AMD1: variants seen among roughly 807,000 people sequenced by gnomAD.
AMD1 encodes the protein adenosylmethionine decarboxylase 1, also known as S-adenosylmethionine decarboxylase proenzyme.
AMD1 carries 11 observed loss-of-function variants against 40.2 expected under a neutral mutation model. The observed-to-expected ratio is 0.27, with a 90% CI of 0.17 to 0.45. AMD1 has a LOEUF of 0.45. AMD1 is among the 20% of genes least tolerant of loss of function. The pLI is 1.00. For missense variants in AMD1, 257 were observed against 410.2 expected (o/e 0.63, Z 3.23); for synonymous variants, 121 against 130.8 (o/e 0.93, Z 0.51).
Position 110,893,644 on chromosome 6 carries a change from A to AAG in AMD1, c.*32_*33dup, listed in dbSNP as rs1397007659. The AAG allele has an allele frequency of 2.5e-6, 4 of 1,606,110 alleles. No individual in the cohort carries two copies. In the Middle Eastern group the frequency reaches 5.5e-4, roughly 221 times the overall value. Reference sequence around the variant, plus strand: ...AAGAAAAATGAAGAAAAAACGCAAAAAGAGAACACATGTAGAAGGTGGTGG... The same window carrying AAG: ...AAGAAAAATGAAGAAAAAACGCAAAAAGAGAGAACACATGTAGAAGGTGGTGG... On this transcript the variant is annotated 3_prime_UTR_variant, in exon 9 of 9. Transcript: ENST00000368885.
At chr6:110,848,495 G>T in the AMD1 span, 1 of 213,902 alleles carries the variant, frequency 4.7e-6, no homozygotes, top group Non-Finnish European at 9.7e-6. Flanking sequence ...CTCCAGCTTG[G>T]GTGACAGAGT....
the AMD1 span, among the ~76,000 whole-genome samples, chr6:110,832,004 T>A: frequency 6.8e-6 from 1 of 147,614 alleles, no homozygotes; most frequent in Non-Finnish European, 1.5e-5. Flanking sequence ...CCACTATGCC[T>A]GGCTAATTTT....
the AMD1 span, among the ~76,000 whole-genome samples, chr6:110,855,065 C>CTTTTTTTTTTTTTTTTTTTTT: frequency 1.1e-4 from 9 of 80,464 alleles, 1 homozygote; most frequent in African/African-American, 1.5e-4. Flanking sequence ...CTCTCTCTCT[C>CTTTTTTTTTTTTTTTTTTTTT]TTTTTTTTTT....
At chr6:110,832,394 TCC>T in the AMD1 span, among the ~76,000 whole-genome samples, 45 of 151,144 alleles carry the variant, frequency 3.0e-4, 1 homozygote, top group Non-Finnish European at 8.8e-5. Flanking sequence ...CAAGTAATCC[TCC>T]CACCTTAGCC....
the AMD1 span, chr6:110,863,965 CT>C: frequency 0.024 from 9,173 of 377,042 alleles, no homozygotes; most frequent in South Asian, 0.037. Flanking sequence ...TACCACTAAT[CT>C]TTTTTTTTTT....
At chr6:110,893,369 TCA>T in intron 8 of AMD1, 105 bp from the exon 9 acceptor site, 2 of 1,449,134 alleles carry the variant, frequency 1.4e-6, no homozygotes, top group Non-Finnish European at 1.9e-6. Context: ...CTAAAATAAC[TCA>T]GATGTCTTAG....
intron 1 of AMD1, among the ~76,000 whole-genome samples, chr6:110,885,575 C>T (rs192615188): frequency 6.6e-4 from 101 of 152,280 alleles, no homozygotes; most frequent in African/African-American, 2.2e-3. Context: ...GGATTACAGG[C>T]GTGTGCCACC....
the AMD1 span, among the ~76,000 whole-genome samples, chr6:110,847,542 C>T: frequency 1.3e-5 from 2 of 151,354 alleles, no homozygotes; most frequent in Admixed American, 1.3e-4. Flanking sequence ...AAAAGAATTT[C>T]TTCTTTCTTA....
chr6:110,887,417 C>T (rs9487548), intron 1 of AMD1, 88 bp from the exon 2 acceptor site: 3 of 876,586 alleles, frequency 3.4e-6, no homozygotes, highest in Non-Finnish European at 5.3e-6. Context: ...AAAATGTGGT[C>T]TTCATGAGAA....
At chr6:110,852,905 A>G in the AMD1 span, among the ~76,000 whole-genome samples, 4 of 151,992 alleles carry the variant, frequency 2.6e-5, no homozygotes, top group African/African-American at 9.7e-5. Context: ...AGGAACTAAC[A>G]TGAAAACTTT....
the AMD1 span, among the ~76,000 whole-genome samples, chr6:110,820,476 A>C: frequency 6.6e-6 from 1 of 151,970 alleles, no homozygotes; most frequent in African/African-American, 2.4e-5. Context: ...CCTCCAGGTG[A>C]GCTGCCTGCC....
At chr6:110,877,771 G>A (rs1054330056) in intron 1 of AMD1, among the ~76,000 whole-genome samples, 2 of 152,166 alleles carry the variant, frequency 1.3e-5, no homozygotes, top group Non-Finnish European at 2.9e-5. Flanking sequence ...TGCAGTGGCA[G>A]GATCATGGCT....
the AMD1 span, among the ~76,000 whole-genome samples, chr6:110,820,664 G>A: frequency 3.3e-5 from 5 of 152,114 alleles, no homozygotes; most frequent in Middle Eastern, 3.2e-3. Flanking sequence ...CACTTTGGGA[G>A]GCCAAGGTGG....
intron 4 of AMD1, among the ~76,000 whole-genome samples, 180 bp downstream of exon 4, chr6:110,890,536 G>A (rs1785954958): frequency 6.6e-6 from 1 of 152,084 alleles, no homozygotes; most frequent in Non-Finnish European, 1.5e-5. Flanking sequence ...CACCCATGCT[G>A]GTGCAGTGGT....
At chr6:110,838,236 A>C in the AMD1 span, among the ~76,000 whole-genome samples, 2 of 151,378 alleles carry the variant, frequency 1.3e-5, no homozygotes, top group Non-Finnish European at 2.9e-5. Flanking sequence ...TAAAAGTACA[A>C]AAATTAGCCG....
At chr6:110,858,109 G>T in the AMD1 span, 1 of 498,710 alleles carries the variant, frequency 2.0e-6, no homozygotes. Context: ...CTCCCAACGT[G>T]CTGGGATTAC....
chr6:110,817,674 C>G, the AMD1 span, among the ~76,000 whole-genome samples: 1 of 152,160 alleles, frequency 6.6e-6, no homozygotes, highest in Admixed American at 6.5e-5. Flanking sequence ...ACTATAATAA[C>G]TGCTGGAGAT....
At chr6:110,850,285 A>C in the AMD1 span, among the ~76,000 whole-genome samples, 1 of 152,294 alleles carries the variant, frequency 6.6e-6, no homozygotes, top group Non-Finnish European at 1.5e-5. Context: ...TGTTAAGATG[A>C]GGGTATTGGG....
At chr6:110,839,947 GATTA>G in the AMD1 span, among the ~76,000 whole-genome samples, 1 of 151,334 alleles carries the variant, frequency 6.6e-6, no homozygotes. Flanking sequence ...CCTGCTTTGG[GATTA>G]ATTAATATCA....
Sources: gnomAD v4.1 joint callset for allele counts (sites outside exome capture counted in the v4.1 genomes callset) on GRCh38, gnomAD v4.1.1 for gene constraint, MANE v1.5 for transcripts, NCBI Gene and HGNC (gene_info 2026-07-23, HGNC 2026-07-21) for gene names.